Variants in GRIK1 observed in about 807,000 individuals in gnomAD.
GRIK1 encodes glutamate receptor ionotropic, kainate 1.
In GRIK1, 69 loss-of-function variants were observed where a neutral mutation model predicts 105.7. The ratio of observed to expected loss-of-function variants is 0.65; its 90% confidence interval spans 0.54 to 0.80. The LOEUF is 0.80. Among genes scored for constraint, GRIK1 ranks in the 30% least tolerant of loss-of-function variants. The pLI is 0.00. For missense variants in GRIK1, 1,109 were observed against 1,167.3 expected (o/e 0.95, Z 0.73); for synonymous variants, 438 against 431.3 (o/e 1.02, Z -0.19).
At chr21:29,861,730 T>A in intron 1 of GRIK1, 1 of 424,406 alleles carries the variant, frequency 2.4e-6, no homozygotes, top group Non-Finnish European at 4.7e-6. Flanking sequence ...ATATGCATTT[T>A]TCTTGTTTTG....
Position 29,598,826 on chromosome 21 carries a change from T to C in GRIK1, c.1206+4A>G, listed in dbSNP as rs1344530373. ...TTTTATTTATTTATTGTTAAGGAGG[T>C]TACCTTTTCAGTTCCTTCCTCTTTG... On this transcript the variant is annotated splice_donor_region_variant and intron_variant, in intron 8 of 17. Coordinates refer to ENST00000327783, the MANE Select transcript of GRIK1 (RefSeq NM_001330994.2). 1 of 1,257,596 alleles carries C rather than the reference T, an allele frequency of 8.0e-7. No homozygotes were observed. Among genetic ancestry groups the C allele is most frequent in the Admixed American group, 1.8e-5 (1 of 54,252 alleles). The allele number at this position is 1,257,596 out of a possible 1,614,324, so 77.9% of individuals were successfully genotyped here. A position where few individuals can be genotyped will look rare whatever the true frequency, so the allele number is the denominator to read the frequency against.
chr21:29,549,878 G>T (rs1215903187), intron 16 of GRIK1, among the ~76,000 whole-genome samples: 1 of 151,716 alleles, frequency 6.6e-6, no homozygotes, highest in South Asian at 2.1e-4. Flanking sequence ...GGGCCGAGGC[G>T]GGTGGATCAC....
intron 1 of GRIK1, among the ~76,000 whole-genome samples, chr21:29,787,525 G>C (rs2066290265): frequency 6.6e-6 from 1 of 152,102 alleles, no homozygotes; most frequent in Admixed American, 6.6e-5. Flanking sequence ...GCTCACTAAT[G>C]GACTTTGCAC....
chr21:29,589,743 C>T (rs1201480428), intron 10 of GRIK1, among the ~76,000 whole-genome samples: 2 of 152,092 alleles, frequency 1.3e-5, no homozygotes, highest in Non-Finnish European at 2.9e-5. Context: ...ATCTAAGAAC[C>T]TCATGACAGA....
intron 14 of GRIK1, among the ~76,000 whole-genome samples, chr21:29,573,363 G>A (rs931202573): frequency 6.6e-6 from 1 of 152,180 alleles, no homozygotes; most frequent in Non-Finnish European, 1.5e-5. Flanking sequence ...ATGTCGTAAT[G>A]TAGTCATTCA....
intron 1 of GRIK1, among the ~76,000 whole-genome samples, chr21:29,727,995 T>C (rs1338561830): frequency 1.3e-5 from 2 of 152,096 alleles, no homozygotes; most frequent in Non-Finnish European, 1.5e-5. Context: ...CCCTCTACCA[T>C]TTTGTTTTGT....
chr21:29,630,108 T>C (rs1351836152), intron 7 of GRIK1, among the ~76,000 whole-genome samples: 1 of 152,084 alleles, frequency 6.6e-6, no homozygotes, highest in African/African-American at 2.4e-5. Flanking sequence ...GAATTAAGGG[T>C]ATTCCTGAAA....
At chr21:29,666,321 T>G (rs1471102172) in intron 4 of GRIK1, among the ~76,000 whole-genome samples, 1 of 152,164 alleles carries the variant, frequency 6.6e-6, no homozygotes, top group East Asian at 1.9e-4. Context: ...GAGAATCGCT[T>G]GAACCTGGGA....
At chr21:29,694,558 A>G (rs78017646) in intron 1 of GRIK1, among the ~76,000 whole-genome samples, 5,273 of 152,316 alleles carry the variant, frequency 0.035, 238 homozygotes, top group East Asian at 0.16. Flanking sequence ...GACTAACTGC[A>G]TATGTATGCT....
At chr21:29,871,640 G>C (rs1326607587) in intron 1 of GRIK1, among the ~76,000 whole-genome samples, 1 of 151,544 alleles carries the variant, frequency 6.6e-6, no homozygotes, top group Non-Finnish European at 1.5e-5. Flanking sequence ...TTGTAAAGGA[G>C]GGAAAAAAAG....
At chr21:29,938,032 A>G (rs753569372) in intron 1 of GRIK1, among the ~76,000 whole-genome samples, 69 of 152,238 alleles carry the variant, frequency 4.5e-4, no homozygotes, top group Non-Finnish European at 7.6e-4. Context: ...AGTATTTGAT[A>G]TCTGCAGCTC....
intron 7 of GRIK1, among the ~76,000 whole-genome samples, chr21:29,623,379 G>A (rs1163915274): frequency 6.6e-6 from 1 of 151,672 alleles, no homozygotes; most frequent in Non-Finnish European, 1.5e-5. Context: ...ATTTGGGTGG[G>A]GACACAGCCA....
At chr21:29,559,586 A>G (rs949802489) in intron 15 of GRIK1, among the ~76,000 whole-genome samples, 4 of 152,236 alleles carry the variant, frequency 2.6e-5, no homozygotes, top group Non-Finnish European at 5.9e-5. Flanking sequence ...AATGATAACA[A>G]TAATAATAAA....
chr21:29,936,859 C>T (rs2071773611), intron 1 of GRIK1, among the ~76,000 whole-genome samples: 1 of 152,182 alleles, frequency 6.6e-6, no homozygotes, highest in Admixed American at 6.5e-5. Flanking sequence ...CATTTGAGTG[C>T]CTTCTCTATA....
rs764924917 is a variant in GRIK1 at position 29,939,486 on chromosome 21, T to G, written c.15A>C (p.Thr5=). The change falls in exon 1 of 18, where the codon ACA becomes ACC. Residue 5 remains threonine, a synonymous_variant. Coordinates refer to ENST00000327783, the MANE Select transcript of GRIK1 (RefSeq NM_001330994.2). ...TCCAGAGCCCGGGCTGGGCGAGGAG[T>G]GTGCCGTGCTCCATCTTCCTAGCTT... MEHG[T]LLAQPGLWTR... The G allele has an allele frequency of 1.3e-6, 2 of 1,582,770 alleles. No homozygotes were observed. Among genetic ancestry groups the G allele is most frequent in the Admixed American group, 3.5e-5 (2 of 56,486 alleles).
intron 1 of GRIK1, among the ~76,000 whole-genome samples, chr21:29,872,020 T>C (rs1356825246): frequency 2.0e-5 from 3 of 148,678 alleles, no homozygotes; most frequent in Non-Finnish European, 4.6e-5. Flanking sequence ...CACCCCAGCC[T>C]CCCAAAGTGC....
intron 1 of GRIK1, among the ~76,000 whole-genome samples, chr21:29,795,576 T>C (rs1047754913): frequency 2.0e-5 from 3 of 152,180 alleles, no homozygotes; most frequent in Admixed American, 2.0e-4. Flanking sequence ...TGCCCCATAT[T>C]GCTCCACCTG....
intron 1 of GRIK1, among the ~76,000 whole-genome samples, chr21:29,758,227 A>G (rs1049232924): frequency 3.9e-5 from 6 of 152,224 alleles, no homozygotes; most frequent in African/African-American, 1.4e-4. Flanking sequence ...TCTCTGCCAC[A>G]GGGTGTGTTA....
intron 1 of GRIK1, among the ~76,000 whole-genome samples, chr21:29,728,799 A>G (rs1182914792): frequency 1.3e-5 from 2 of 152,186 alleles, no homozygotes; most frequent in African/African-American, 4.8e-5. Context: ...AACAGAATAA[A>G]TACATAAAAT....
Sources: allele counts gnomAD v4.1 joint callset (sites outside exome capture counted in the v4.1 genomes callset), GRCh38; gene constraint gnomAD v4.1.1; transcripts MANE v1.5; gene names NCBI Gene and HGNC (gene_info 2026-07-23, HGNC 2026-07-21).